Variants in ADAM9 observed in about 807,000 individuals in gnomAD.
The protein encoded by ADAM9 is ADAM metallopeptidase domain 9, also known as disintegrin and metalloproteinase domain-containing protein 9.
ADAM9 carries 54 observed loss-of-function variants against 108.1 expected under a neutral mutation model. The ratio of observed to expected loss-of-function variants is 0.50; its 90% CI spans 0.40 to 0.63. The LOEUF is 0.63. Ranked by LOEUF, ADAM9 falls within the 20% of genes least tolerant of loss-of-function variation. The pLI is 0.00. For missense variants in ADAM9, 830 were observed against 997.7 expected (o/e 0.83, Z 2.26); for synonymous variants, 316 against 336.0 (o/e 0.94, Z 0.65).
intron 6 of ADAM9, 178 bp from the exon 7 acceptor site, chr8:39,018,675 T>C: frequency 1.6e-6 from 1 of 639,218 alleles, no homozygotes. Context: ...AAAGTTTTCA[T>C]CACTAAGAAG....
At chr8:39,006,951 C>G (rs1156770829) in intron 1 of ADAM9, among the ~76,000 whole-genome samples, 2 of 152,158 alleles carry the variant, frequency 1.3e-5, no homozygotes, top group African/African-American at 4.8e-5. Flanking sequence ...TTAAAAGTAC[C>G]TTTTCCCTCT....
chr8:39,011,741 T>C, intron 3 of ADAM9, 25 bp downstream of exon 3: 1 of 1,580,760 alleles, frequency 6.3e-7, no homozygotes, highest in Non-Finnish European at 8.7e-7. Context: ...TTATTTTGGC[T>C]TTTCAGTAAT....
intron 12 of ADAM9, among the ~76,000 whole-genome samples, chr8:39,045,151 T>G (rs368085704): frequency 9.0e-6 from 1 of 111,034 alleles, no homozygotes; most frequent in Non-Finnish European, 2.2e-5. Context: ...TGTGTATATA[T>G]GTGTATACAT....
intron 18 of ADAM9, among the ~76,000 whole-genome samples, chr8:39,088,163 A>G (rs1047214627): frequency 6.6e-6 from 1 of 152,152 alleles, no homozygotes; most frequent in Admixed American, 6.5e-5. Flanking sequence ...AACACAAGAT[A>G]GCCTGCATAT....
chr8:39,009,003 A>T (rs571244906), intron 2 of ADAM9, among the ~76,000 whole-genome samples: 172 of 152,332 alleles, frequency 1.1e-3, no homozygotes, highest in Middle Eastern at 3.4e-3. Context: ...AATTGCTGAT[A>T]CACTCAGAAA....
chr8:39,079,730 A>T (rs1838961165), intron 16 of ADAM9, among the ~76,000 whole-genome samples: 1 of 151,868 alleles, frequency 6.6e-6, no homozygotes, highest in Non-Finnish European at 1.5e-5. Flanking sequence ...GATTACAGGC[A>T]TCTGCCACCA....
At chr8:39,076,673 A>G (rs746077420) in intron 15 of ADAM9, among the ~76,000 whole-genome samples, 16 of 152,318 alleles carry the variant, frequency 1.1e-4, no homozygotes, top group Non-Finnish European at 1.9e-4. Flanking sequence ...AGCCTTGGCA[A>G]TAAGAATTAT....
rs1564243804 is a variant in ADAM9, at chr8:39,017,240, T to C, written c.432T>C (p.Asn144=). 1.2e-6 allele frequency: 2 copies of C among 1,614,202 alleles called. No individual in the cohort carries two copies. Among genetic ancestry groups the C allele is most frequent in the Non-Finnish European group, 1.7e-6 (2 of 1,180,028 alleles). ...TCAGAGGATTGCTGCATTTAGAGAA[T>C]GCGAGTTATGGGATTGAACCCCTGC... ...FGLRGLLHLE[N]ASYGIEPLQN... Residue 144 remains asparagine (N), a synonymous_variant, in exon 6 of 22, where the codon AAT becomes AAC. Transcript: ENST00000487273.
intron 11 of ADAM9, among the ~76,000 whole-genome samples, chr8:39,034,847 A>G (rs1837218212): frequency 6.6e-6 from 1 of 151,960 alleles, no homozygotes; most frequent in Non-Finnish European, 1.5e-5. Flanking sequence ...TTCCTGTTGT[A>G]GAAAGAAAAA....
chr8:39,002,457 TACAGGCACGCACC>T (rs952297017), intron 1 of ADAM9, among the ~76,000 whole-genome samples: 6 of 151,162 alleles, frequency 4.0e-5, no homozygotes, highest in African/African-American at 7.3e-5. Flanking sequence ...TAGCTGGGAC[TACAGGCACGCACC>T]ACCACGCCCG....
At chr8:39,044,422 A>G (rs1405281140) in intron 12 of ADAM9, among the ~76,000 whole-genome samples, 1 of 151,974 alleles carries the variant, frequency 6.6e-6, no homozygotes, top group Admixed American at 6.6e-5. Flanking sequence ...TGCATTCTTT[A>G]TTCTGTTCCA....
intron 6 of ADAM9, 114 bp downstream of exon 6, chr8:39,017,528 C>A: frequency 1.9e-6 from 2 of 1,040,242 alleles, no homozygotes; most frequent in Non-Finnish European, 2.9e-6. Flanking sequence ...TTAATTTTGC[C>A]AAATATATGC....
chr8:39,064,333 A>G (rs1272878978), intron 14 of ADAM9, among the ~76,000 whole-genome samples: 1 of 152,220 alleles, frequency 6.6e-6, no homozygotes, highest in Non-Finnish European at 1.5e-5. Flanking sequence ...CTCATTCTCA[A>G]AGTTCTGTTC....
At chr8:39,089,417 G>A (rs77199584) in intron 18 of ADAM9, among the ~76,000 whole-genome samples, 14,784 of 152,202 alleles carry the variant, frequency 0.097, 952 homozygotes, top group Middle Eastern at 0.27. Flanking sequence ...CTTATAAATT[G>A]TAACCATTAC....
intron 11 of ADAM9, among the ~76,000 whole-genome samples, chr8:39,029,565 TC>T (rs1270308256): frequency 6.6e-6 from 1 of 152,198 alleles, no homozygotes; most frequent in Non-Finnish European, 1.5e-5. Flanking sequence ...ATTTCCCTCT[TC>T]CTAGTTTGTT....
At chr8:39,017,034 C>T in intron 5 of ADAM9, 185 bp from the exon 6 acceptor site, 1 of 624,686 alleles carries the variant, frequency 1.6e-6, no homozygotes, top group South Asian at 2.0e-5. Flanking sequence ...TGCTAAGTAG[C>T]TATTTGAGCT....
intron 18 of ADAM9, among the ~76,000 whole-genome samples, chr8:39,086,171 C>T (rs769110217): frequency 1.3e-5 from 2 of 152,008 alleles, no homozygotes; most frequent in Non-Finnish European, 2.9e-5. Context: ...TGTGCCACCA[C>T]GCCTGGCTAA....
intron 12 of ADAM9, among the ~76,000 whole-genome samples, chr8:39,043,674 A>G (rs1464017461): frequency 6.6e-6 from 1 of 152,098 alleles, no homozygotes; most frequent in Non-Finnish European, 1.5e-5. Context: ...GATTTCTTGC[A>G]TGTATATATT....
At chr8:39,053,612 A>G (rs113887311) in intron 12 of ADAM9, among the ~76,000 whole-genome samples, 238 of 152,274 alleles carry the variant, frequency 1.6e-3, no homozygotes, top group African/African-American at 5.6e-3. Flanking sequence ...CTTAGTGGTG[A>G]CATCTTATAA....
Sources: allele counts gnomAD v4.1 joint callset (sites outside exome capture counted in the v4.1 genomes callset), GRCh38; gene constraint gnomAD v4.1.1; transcripts MANE v1.5; gene names NCBI Gene and HGNC (gene_info 2026-07-23, HGNC 2026-07-21).